ASB5: variants seen among roughly 807,000 people sequenced by gnomAD.
ASB5 encodes the protein ankyrin repeat and SOCS box protein 5.
Under a neutral mutation model 42.1 loss-of-function variants are expected in ASB5, and 45 were observed. The observed-to-expected ratio is 1.07, with a 90% CI of 0.84 to 1.37. ASB5 has a LOEUF of 1.37. Among genes scored for constraint, ASB5 ranks in the 40% most tolerant of loss-of-function variants. The pLI is 0.00. For missense variants in ASB5, 402 were observed against 399.8 expected, an observed-to-expected ratio of 1.01 and a Z score of -0.05; for synonymous variants, 147 against 150.6, an observed-to-expected ratio of 0.98 and a Z score of 0.18.
intron 1 of ASB5, chr4:176,249,604 G>T (rs534758752): frequency 1.3e-5 from 2 of 152,186 alleles, no homozygotes; most frequent in South Asian, 4.1e-4. Context: ...TCTCCCATTG[G>T]TGCTGAGAAG....
At chr4:176,272,044 G>C (rs1398928825), upstream of ASB5, among the ~76,000 whole-genome samples, 1 of 152,080 alleles carries the variant, frequency 6.6e-6, no homozygotes, top group Non-Finnish European at 1.5e-5. Context: ...AATTACTCCA[G>C]TAAGCTGCAT....
At chr4:176,234,139 C>T (rs11728194) in intron 1 of ASB5, among the ~76,000 whole-genome samples, 23,954 of 152,188 alleles carry the variant, frequency 0.16, 2,489 homozygotes, top group Middle Eastern at 0.29. Flanking sequence ...CTGCCCATGC[C>T]CTTCCAGTAG....
At chr4:176,234,097 T>C (rs2126957480) in intron 1 of ASB5, among the ~76,000 whole-genome samples, 1 of 152,350 alleles carries the variant, frequency 6.6e-6, no homozygotes, top group East Asian at 1.9e-4. Context: ...ATCTGATGTA[T>C]TGCAAAAGTC....
In ASB5 at chr4:176,219,139, T is replaced by C. The variant is rs867230078; in HGVS notation, c.670+2016A>G. ...TTGTATGATATATATATTTGTATGA[T>C]ATATAAATATATATTTGTATGACAT... is the stretch of plus-strand genomic sequence containing the variant. On this transcript the variant is annotated intron_variant, in intron 5 of 6. Transcript: ENST00000296525. 2.4e-4 allele frequency among the ~76,000 whole-genome samples: 29 copies of C among 118,596 alleles called. 1 individual carries two copies. The highest frequency in any genetic ancestry group is 6.6e-4 in the African/African-American group (19 of 28,590). The allele number at this position is 118,596 out of a possible 152,430, so 77.8% of individuals were successfully genotyped here.
chr4:176,234,701 G>A (rs781224116), intron 1 of ASB5, among the ~76,000 whole-genome samples: 2 of 152,170 alleles, frequency 1.3e-5, no homozygotes, highest in Non-Finnish European at 2.9e-5. Flanking sequence ...CTGAGCAGCC[G>A]TATGGAGCTT....
chr4:176,226,892 G>A (rs13129964), intron 1 of ASB5, among the ~76,000 whole-genome samples: 23,993 of 152,272 alleles, frequency 0.16, 2,494 homozygotes, highest in Middle Eastern at 0.29. Flanking sequence ...CTGAAGTGAA[G>A]CATGAGCCCT....
chr4:176,217,047 A>G, intron 5 of ASB5, 38 bp from the exon 6 acceptor site: 5 of 1,517,760 alleles, frequency 3.3e-6, no homozygotes. Context: ...TATAAATAAA[A>G]GTTGTTAAAT....
intron 1 of ASB5, among the ~76,000 whole-genome samples, chr4:176,253,067 T>C (rs1464417139): frequency 2.6e-4 from 40 of 152,166 alleles, no homozygotes; most frequent in Admixed American, 2.6e-3. Flanking sequence ...AGACTGACTA[T>C]ACACATGTAC....
At chr4:176,257,690 G>T (rs941432777) in intron 1 of ASB5, among the ~76,000 whole-genome samples, 2 of 152,140 alleles carry the variant, frequency 1.3e-5, no homozygotes, top group Non-Finnish European at 2.9e-5. Flanking sequence ...TATATAGAAA[G>T]GGCCAGTCGA....
intron 2 of ASB5, among the ~76,000 whole-genome samples, chr4:176,224,044 C>T (rs1753300513): frequency 6.6e-6 from 1 of 152,066 alleles, no homozygotes; most frequent in Admixed American, 6.6e-5. Flanking sequence ...AAAGGAGGCT[C>T]AGGTAGGTTG....
In ASB5 at chr4:176,268,947, T is replaced by C. The variant is rs574517356; in HGVS notation, c.162A>G (p.Ile54Met). 1 of 1,613,028 alleles carries C rather than the reference T, an allele frequency of 6.2e-7. No individual in the cohort carries two copies. The highest frequency in any genetic ancestry group is 1.7e-5 in the Admixed American group (1 of 59,874). Residue 54 changes from isoleucine (I) to methionine (M), a missense_variant, in exon 1 of 7, where the codon ATA becomes ATG. Ile to Met is a conservative substitution (Grantham distance 10). Coordinates refer to ENST00000296525, the MANE Select transcript of ASB5 (RefSeq NM_080874.4). ...GGGTTACTCCATAAAATTCAGCTGC[T>C]ATCCTTGCCGCTTCCTTGCGGTTGC... The part of the protein sequence containing the change: ...VKGNRKEAAR[I>M]AAEFYGVTQG...
chr4:176,241,278 C>T (rs1753806067), intron 1 of ASB5, among the ~76,000 whole-genome samples: 1 of 152,130 alleles, frequency 6.6e-6, no homozygotes, highest in Non-Finnish European at 1.5e-5. Flanking sequence ...ACTTTTAAGT[C>T]CTTTATCTCA....
At chr4:176,277,287 A>G (rs1754578506) in exon 1 of ASB5, 1 of 152,174 alleles carries the variant, frequency 6.6e-6, no homozygotes, top group Non-Finnish European at 1.5e-5. Flanking sequence ...TGGCTCCTTC[A>G]TTCACACACA....
chr4:176,237,874 T>A (rs527805588), intron 1 of ASB5, among the ~76,000 whole-genome samples: 2 of 152,186 alleles, frequency 1.3e-5, no homozygotes, highest in African/African-American at 2.4e-5. Flanking sequence ...GAAAGCTCAG[T>A]AGTGATCAGT....
chr4:176,266,679 GT>G (rs1481231391), intron 1 of ASB5, among the ~76,000 whole-genome samples: 3 of 151,882 alleles, frequency 2.0e-5, no homozygotes, highest in Admixed American at 6.6e-5. Context: ...ATATTCTATT[GT>G]TTCATATACA....
intron 1 of ASB5, among the ~76,000 whole-genome samples, chr4:176,256,537 A>G (rs546954563): frequency 1.2e-3 from 183 of 152,322 alleles, no homozygotes; most frequent in African/African-American, 4.2e-3. Flanking sequence ...CAATGATTCT[A>G]TGAGATAATT....
chr4:176,257,762 C>T (rs916083949), intron 1 of ASB5, among the ~76,000 whole-genome samples: 3 of 152,188 alleles, frequency 2.0e-5, no homozygotes, highest in Admixed American at 6.5e-5. Flanking sequence ...CCACTCACCC[C>T]GTGTTTATTC....
At chr4:176,221,417 T>C (rs1753203426) in intron 4 of ASB5, 33 bp downstream of exon 4, 2 of 1,606,154 alleles carry the variant, frequency 1.2e-6, no homozygotes, top group South Asian at 2.2e-5. Flanking sequence ...AGAAACTTTC[T>C]TCCCTTGTCA....
intron 1 of ASB5, chr4:176,237,504 T>C: frequency 1.0e-6 from 1 of 985,790 alleles, no homozygotes; most frequent in South Asian, 4.7e-5. Context: ...TCTGGATTTC[T>C]AACTATTTTT....
Sources: allele counts gnomAD v4.1 joint callset (sites outside exome capture counted in the v4.1 genomes callset), GRCh38; gene constraint gnomAD v4.1.1; transcripts MANE v1.5; gene names NCBI Gene and HGNC (gene_info 2026-07-23, HGNC 2026-07-21).